The following SGCD variants were observed in gnomAD, a reference collection of about 807,000 sequenced individuals.
SGCD encodes the protein sarcoglycan delta, also known as delta-sarcoglycan.
In SGCD, 18 loss-of-function variants were observed where a neutral mutation model predicts 36.6. The observed-to-expected ratio is 0.49, with a 90% CI of 0.34 to 0.73. The LOEUF (loss-of-function observed/expected upper bound fraction) is 0.73. Among genes scored for constraint, SGCD ranks in the 30% least tolerant of loss-of-function variants. The probability of loss-of-function intolerance (pLI) is 0.01; values close to 1 mark genes in which losing one functional copy is unlikely to be tolerated. For synonymous variants in SGCD, 133 were observed against 130.6 expected (o/e 1.02, Z -0.12); for missense variants, 387 against 346.7 (o/e 1.12, Z -0.92).
At chr5:156,297,385 AC>A (rs1320975769) in intron 3 of SGCD, among the ~76,000 whole-genome samples, 1 of 152,088 alleles carries the variant, frequency 6.6e-6, no homozygotes, top group Non-Finnish European at 1.5e-5. Context: ...CTTGGAACCA[AC>A]CCAAATGTCC....
At chr5:155,912,487 T>G (rs1295840884) in intron 1 of SGCD, among the ~76,000 whole-genome samples, 1 of 152,172 alleles carries the variant, frequency 6.6e-6, no homozygotes, top group African/African-American at 2.4e-5. Context: ...CATTCGAAAC[T>G]AGTCTCTTCA....
chr5:156,090,238 A>G (rs762823193), intron 1 of SGCD, among the ~76,000 whole-genome samples: 2 of 152,200 alleles, frequency 1.3e-5, no homozygotes, highest in African/African-American at 2.4e-5. Context: ...CTCTTTTTCC[A>G]GATGGCTCTG....
At chr5:156,426,129 T>C (rs894037526) in intron 3 of SGCD, among the ~76,000 whole-genome samples, 2 of 152,106 alleles carry the variant, frequency 1.3e-5, no homozygotes, top group African/African-American at 4.8e-5. Context: ...CTTTAAGGAA[T>C]CTTCATACTG....
chr5:156,336,094 C>A (rs540970266), intron 2 of SGCD, among the ~76,000 whole-genome samples: 220 of 152,236 alleles, frequency 1.4e-3, no homozygotes, highest in African/African-American at 5.2e-3. Flanking sequence ...TGCTTCTTTC[C>A]CCTTCTGCCT....
chr5:156,261,597 C>A (rs1024768321), intron 3 of SGCD, among the ~76,000 whole-genome samples: 1 of 152,134 alleles, frequency 6.6e-6, no homozygotes, highest in African/African-American at 2.4e-5. Flanking sequence ...TACTTTTTAT[C>A]ATTATTTTAG....
Position 155,897,155 on chromosome 5 carries a change from T to C in SGCD, c.-282+26731T>C, listed in dbSNP as rs74861947. Among the ~76,000 whole-genome samples, 404 of 152,304 alleles carry C rather than the reference T, an allele frequency of 2.7e-3. 3 individuals are homozygous for C. The highest frequency in any genetic ancestry group is 8.2e-3 in the African/African-American group (339 of 41,564). On this transcript the variant is annotated intron_variant, in intron 1 of 9. Transcript: ENST00000517913. ...CATAAACCTGGACGGTACAGCCTGC[T>C]ACCGAGGCTATATGGTACAGCTTAG... is the stretch of plus-strand genomic sequence containing the variant.
chr5:155,770,802 C>A, the SGCD span, among the ~76,000 whole-genome samples: 3 of 152,070 alleles, frequency 2.0e-5, no homozygotes, highest in Non-Finnish European at 4.4e-5. Flanking sequence ...TCCTCTTTAT[C>A]AGTTTTTATC....
At chr5:156,291,619 A>G (rs1285334746) in intron 3 of SGCD, among the ~76,000 whole-genome samples, 1 of 152,040 alleles carries the variant, frequency 6.6e-6, no homozygotes, top group African/African-American at 2.4e-5. Context: ...AATATTTACT[A>G]TCTTAACCTT....
At chr5:156,619,739 G>C (rs1489470631) in intron 6 of SGCD, among the ~76,000 whole-genome samples, 1 of 152,176 alleles carries the variant, frequency 6.6e-6, no homozygotes, top group Non-Finnish European at 1.5e-5. Flanking sequence ...TCAGTGCACA[G>C]AATAGGGAAG....
intron 7 of SGCD, among the ~76,000 whole-genome samples, chr5:156,679,281 C>A (rs1753633476): frequency 1.3e-5 from 2 of 152,190 alleles, no homozygotes; most frequent in Non-Finnish European, 2.9e-5. Flanking sequence ...CAAGCACCAC[C>A]ACTAGACCAT....
the SGCD span, among the ~76,000 whole-genome samples, chr5:155,789,957 G>A: frequency 6.6e-6 from 1 of 151,964 alleles, no homozygotes; most frequent in Non-Finnish European, 1.5e-5. Flanking sequence ...TTTCATGTTA[G>A]CTGGAGTATA....
the SGCD span, among the ~76,000 whole-genome samples, chr5:155,833,305 T>C: frequency 4.1e-4 from 62 of 152,328 alleles, no homozygotes; most frequent in African/African-American, 1.4e-3. Flanking sequence ...CTTATTTCTA[T>C]AGACAAAACA....
intron 4 of SGCD, among the ~76,000 whole-genome samples, chr5:156,568,105 A>G (rs1759571216): frequency 6.6e-6 from 1 of 152,174 alleles, no homozygotes; most frequent in African/African-American, 2.4e-5. Flanking sequence ...ACTCAAACTC[A>G]GGGGCTGGGT....
At chr5:155,847,972 A>G in the SGCD span, among the ~76,000 whole-genome samples, 1 of 152,220 alleles carries the variant, frequency 6.6e-6, no homozygotes, top group South Asian at 2.1e-4. Flanking sequence ...TGTGAATGAT[A>G]TATTCTTTGA....
intron 1 of SGCD, among the ~76,000 whole-genome samples, chr5:156,079,618 C>G (rs114030270): frequency 1.1e-4 from 16 of 152,288 alleles, no homozygotes; most frequent in African/African-American, 3.4e-4. Context: ...GCTACAGGCT[C>G]CATGAGAGTT....
chr5:155,766,244 C>T, the SGCD span, among the ~76,000 whole-genome samples: 16 of 152,278 alleles, frequency 1.1e-4, no homozygotes, highest in Non-Finnish European at 1.6e-4. Context: ...ACATTCATCC[C>T]TCTTACTCTC....
intron 7 of SGCD, among the ~76,000 whole-genome samples, chr5:156,702,496 T>G (rs1754566338): frequency 6.6e-6 from 1 of 152,086 alleles, no homozygotes; most frequent in African/African-American, 2.4e-5. Flanking sequence ...GTACTGAAAC[T>G]CATCCTAATA....
At chr5:156,531,982 C>T (rs1015265014) in intron 4 of SGCD, among the ~76,000 whole-genome samples, 1 of 151,646 alleles carries the variant, frequency 6.6e-6, no homozygotes, top group African/African-American at 2.4e-5. Context: ...TGGTGACAAG[C>T]GCCTGTAATC....
intron 1 of SGCD, among the ~76,000 whole-genome samples, chr5:155,923,234 G>A (rs1756924888): frequency 6.7e-6 from 1 of 150,244 alleles, no homozygotes; most frequent in African/African-American, 2.4e-5. Flanking sequence ...AATAATACAT[G>A]AATAAACTAA....
Sources: allele counts gnomAD v4.1 joint callset (sites outside exome capture counted in the v4.1 genomes callset), GRCh38; gene constraint gnomAD v4.1.1; transcripts MANE v1.5; gene names NCBI Gene and HGNC (gene_info 2026-07-23, HGNC 2026-07-21).